The following APBA1 variants were observed in gnomAD, a reference collection of about 807,000 sequenced individuals.
APBA1 encodes amyloid beta precursor protein binding family A member 1, also known as amyloid-beta A4 precursor protein-binding family A member 1.
APBA1 carries 55 observed loss-of-function variants against 86.6 expected under a neutral mutation model. That is an observed-to-expected ratio of 0.64 (90% CI 0.51 to 0.80). The LOEUF (loss-of-function observed/expected upper bound fraction) is 0.80, where lower values mean the gene tolerates loss of function less well. APBA1 is among the 30% of genes least tolerant of loss of function. The pLI is 0.00. For synonymous variants in APBA1, 511 were observed against 493.9 expected, an observed-to-expected ratio of 1.03 and a Z score of -0.46; for missense variants, 1,090 against 1,183.0, an observed-to-expected ratio of 0.92 and a Z score of 1.15.
chr9:69,440,112 G>A (rs796930231), intron 11 of APBA1, among the ~76,000 whole-genome samples: 6 of 152,196 alleles, frequency 3.9e-5, no homozygotes, highest in East Asian at 1.9e-4. Context: ...TTGGTGAACC[G>A]CAAATGCTGC....
intron 1 of APBA1, among the ~76,000 whole-genome samples, chr9:69,603,073 T>C (rs1160922462): frequency 6.6e-6 from 1 of 152,156 alleles, no homozygotes; most frequent in African/African-American, 2.4e-5. Flanking sequence ...AAAAGACAAG[T>C]GATGCATGGC....
chr9:69,538,938 T>C (rs1466067311), intron 1 of APBA1, among the ~76,000 whole-genome samples: 17 of 152,230 alleles, frequency 1.1e-4, no homozygotes, highest in Admixed American at 1.1e-3. Context: ...TTGCAATATC[T>C]TGTAGTCATT....
intron 1 of APBA1, among the ~76,000 whole-genome samples, chr9:69,648,882 C>T (rs1232194971): frequency 6.6e-6 from 1 of 152,182 alleles, no homozygotes; most frequent in Non-Finnish European, 1.5e-5. Flanking sequence ...CTCACAGACA[C>T]CTTAAAGTCA....
chr9:69,639,752 T>C (rs900709084), intron 1 of APBA1, among the ~76,000 whole-genome samples: 5 of 152,216 alleles, frequency 3.3e-5, no homozygotes, highest in Non-Finnish European at 7.4e-5. Flanking sequence ...GTATAAATTA[T>C]ATGTCAAGTA....
intron 2 of APBA1, among the ~76,000 whole-genome samples, chr9:69,485,350 T>A (rs1330680982): frequency 1.3e-5 from 2 of 152,108 alleles, no homozygotes; most frequent in African/African-American, 4.8e-5. Context: ...ATCTCAAATG[T>A]CTGCTTTACA....
intron 1 of APBA1, among the ~76,000 whole-genome samples, chr9:69,638,739 T>C (rs189055104): frequency 3.3e-5 from 5 of 152,312 alleles, no homozygotes; most frequent in African/African-American, 1.2e-4. Context: ...ATAAAGTTGG[T>C]GTCTGTCTAG....
intron 1 of APBA1, among the ~76,000 whole-genome samples, chr9:69,589,015 C>T (rs1235154348): frequency 6.6e-6 from 1 of 152,174 alleles, no homozygotes; most frequent in Non-Finnish European, 1.5e-5. Flanking sequence ...AATGCAGTGG[C>T]ACAATCTCAG....
At chr9:69,552,666 T>C (rs773044141) in intron 1 of APBA1, among the ~76,000 whole-genome samples, 3 of 152,196 alleles carry the variant, frequency 2.0e-5, no homozygotes, top group Non-Finnish European at 4.4e-5. Context: ...GTTTATACTG[T>C]TTATTCTGTT....
intron 2 of APBA1, among the ~76,000 whole-genome samples, chr9:69,491,602 AT>A (rs1381524580): frequency 7.8e-6 from 1 of 128,444 alleles, no homozygotes; most frequent in Non-Finnish European, 1.6e-5. Context: ...TTAAAGTATT[AT>A]TTAAAAAAAA....
At chr9:69,583,941 G>C (rs774888804) in intron 1 of APBA1, among the ~76,000 whole-genome samples, 2 of 152,228 alleles carry the variant, frequency 1.3e-5, no homozygotes, top group Non-Finnish European at 2.9e-5. Flanking sequence ...TCCATGTAAA[G>C]TGCTTAGCAC....
At chr9:69,476,976 G>T (rs999424186) in intron 2 of APBA1, among the ~76,000 whole-genome samples, 4 of 152,206 alleles carry the variant, frequency 2.6e-5, no homozygotes, top group African/African-American at 9.7e-5. Flanking sequence ...CAAGCACAGG[G>T]ATGGGACTGA....
At chr9:69,651,379 C>T (rs1301588314) in intron 1 of APBA1, among the ~76,000 whole-genome samples, 4 of 152,130 alleles carry the variant, frequency 2.6e-5, no homozygotes, top group African/African-American at 9.7e-5. Context: ...TCAAGCTGTA[C>T]ACTTAAAGAT....
intron 3 of APBA1, among the ~76,000 whole-genome samples, chr9:69,473,102 G>A (rs2133835202): frequency 6.6e-6 from 1 of 152,266 alleles, no homozygotes; most frequent in East Asian, 1.9e-4. Flanking sequence ...AGTGCATCAG[G>A]AATGAAAAGT....
Position 69,499,413 on chromosome 9 carries a change from C to T in APBA1, c.1200+16598G>A, listed in dbSNP as rs796152444. Among the ~76,000 whole-genome samples, 5 of 152,168 alleles carry T rather than the reference C, an allele frequency of 3.3e-5. No individual in the cohort carries two copies. The East Asian group carries it at 7.7e-4, about 24-fold the overall frequency. On this transcript the variant is annotated intron_variant, in intron 2 of 12. Coordinates refer to ENST00000265381, the MANE Select transcript of APBA1 (RefSeq NM_001163.4). ...CATTTCAACTTCATCCCTTGCTAACCGGATCCTGGAAAAATTTTGTCTGTT... is the reference window on the plus strand; with the variant it reads ...CATTTCAACTTCATCCCTTGCTAACTGGATCCTGGAAAAATTTTGTCTGTT...
At chr9:69,459,619 G>T (rs1366975779) in intron 5 of APBA1, among the ~76,000 whole-genome samples, 2 of 152,154 alleles carry the variant, frequency 1.3e-5, no homozygotes, top group African/African-American at 4.8e-5. Flanking sequence ...TCTCCCTTTT[G>T]CTCACAATTA....
chr9:69,619,656 G>A (rs1359943403), intron 1 of APBA1, among the ~76,000 whole-genome samples: 2 of 152,138 alleles, frequency 1.3e-5, no homozygotes, highest in Non-Finnish European at 2.9e-5. Context: ...ACTTGTGCTT[G>A]GATTGGGAAA....
chr9:69,564,156 T>A (rs372523082), intron 1 of APBA1, among the ~76,000 whole-genome samples: 1 of 152,316 alleles, frequency 6.6e-6, no homozygotes. Flanking sequence ...GGCTTACAGA[T>A]GACTGATGGA....
chr9:69,649,715 G>A (rs910661586), intron 1 of APBA1, among the ~76,000 whole-genome samples: 3 of 152,162 alleles, frequency 2.0e-5, no homozygotes, highest in African/African-American at 7.2e-5. Context: ...ATCACAGTGA[G>A]TAAGGCCCAA....
chr9:69,434,582 C>T (rs1834666007), intron 11 of APBA1, among the ~76,000 whole-genome samples: 1 of 151,956 alleles, frequency 6.6e-6, no homozygotes, highest in South Asian at 2.1e-4. Flanking sequence ...TGGCACGTGC[C>T]TGTAGTCCCA....
Sources: allele counts gnomAD v4.1 joint callset (sites outside exome capture counted in the v4.1 genomes callset), GRCh38; gene constraint gnomAD v4.1.1; transcripts MANE v1.5; gene names NCBI Gene and HGNC (gene_info 2026-07-23, HGNC 2026-07-21).